Variants in ZNF385D observed in about 807,000 individuals in gnomAD.
The protein encoded by ZNF385D is zinc finger protein 659.
Under a neutral mutation model 35.8 loss-of-function variants are expected in ZNF385D, and 15 were observed. That is an observed-to-expected ratio of 0.42 (90% CI 0.28 to 0.64). ZNF385D has a LOEUF of 0.64. Ranked by LOEUF, ZNF385D falls within the 30% of genes least tolerant of loss-of-function variation. The pLI is 0.23. For synonymous variants in ZNF385D, 212 were observed against 186.8 expected (o/e 1.13, Z -1.10); for missense variants, 474 against 494.6 (o/e 0.96, Z 0.39).
At chr3:22,149,001 C>A (rs540566273) in intron 3 of ZNF385D, among the ~76,000 whole-genome samples, 1 of 152,056 alleles carries the variant, frequency 6.6e-6, no homozygotes, top group Admixed American at 6.6e-5. Context: ...GCTGCAAAAA[C>A]CAGTTAAGTG....
At chr3:21,663,303 C>T (rs1243897183) in intron 2 of ZNF385D, among the ~76,000 whole-genome samples, 1 of 152,172 alleles carries the variant, frequency 6.6e-6, no homozygotes, top group Non-Finnish European at 1.5e-5. Flanking sequence ...GTCAAGTTAA[C>T]CACTTTGTTA....
Position 21,971,146 on chromosome 3 carries a change from G to T in ZNF385D, c.325+197671C>A, listed in dbSNP as rs759386247. 5.9e-5 allele frequency among the ~76,000 whole-genome samples: 9 copies of T among 151,942 alleles called. No homozygotes were observed. In the South Asian group the frequency reaches 1.5e-3, roughly 25 times the overall value. On this transcript the variant is annotated intron_variant, in intron 3 of 5. Transcript: ENST00000494108. Reference sequence around the variant, plus strand: ...GAAGGTACAAAACTCACTGGTAATGGTAAGTACATAGAAAAAACACAATAT... The same window carrying T: ...GAAGGTACAAAACTCACTGGTAATGTTAAGTACATAGAAAAAACACAATAT...
At chr3:21,504,179 T>G (rs1706602290) in intron 4 of ZNF385D, among the ~76,000 whole-genome samples, 1 of 152,166 alleles carries the variant, frequency 6.6e-6, no homozygotes, top group African/African-American at 2.4e-5. Context: ...ATAGGCTAAT[T>G]AACTCCTGAT....
chr3:22,354,926 T>C (rs955669438), intron 2 of ZNF385D, among the ~76,000 whole-genome samples: 4 of 151,994 alleles, frequency 2.6e-5, no homozygotes, highest in Admixed American at 6.6e-5. Flanking sequence ...ATGGCTACCA[T>C]ACAGGAAAAC....
At chr3:21,617,409 T>C (rs1323950471) in intron 2 of ZNF385D, among the ~76,000 whole-genome samples, 1 of 152,192 alleles carries the variant, frequency 6.6e-6, no homozygotes, top group Non-Finnish European at 1.5e-5. Flanking sequence ...TCTTAGGACC[T>C]CCTGCGTTTA....
At chr3:22,049,771 C>A (rs141098151) in intron 3 of ZNF385D, among the ~76,000 whole-genome samples, 1 of 151,932 alleles carries the variant, frequency 6.6e-6, no homozygotes. Context: ...ATTTTTTGTT[C>A]CTCATTCTGT....
intron 2 of ZNF385D, among the ~76,000 whole-genome samples, chr3:22,252,441 G>T (rs1007011017): frequency 6.6e-6 from 1 of 152,072 alleles, no homozygotes; most frequent in African/African-American, 2.4e-5. Flanking sequence ...TTAAGATGAG[G>T]TGAGTATGTT....
intron 3 of ZNF385D, among the ~76,000 whole-genome samples, chr3:22,130,101 A>G (rs534086151): frequency 4.6e-5 from 7 of 152,142 alleles, no homozygotes; most frequent in Non-Finnish European, 1.0e-4. Flanking sequence ...GGGTGGGTCT[A>G]AAAACATCAT....
At chr3:21,886,590 T>C (rs756473469) in intron 3 of ZNF385D, among the ~76,000 whole-genome samples, 1 of 152,096 alleles carries the variant, frequency 6.6e-6, no homozygotes, top group Non-Finnish European at 1.5e-5. Flanking sequence ...TTATGAGTCT[T>C]GTTCAGGCCT....
chr3:22,280,380 T>TA (rs942083764), intron 2 of ZNF385D, among the ~76,000 whole-genome samples: 2 of 151,688 alleles, frequency 1.3e-5, no homozygotes, highest in South Asian at 2.1e-4. Flanking sequence ...TTTTTTTTTT[T>TA]ACTGTTATCT....
chr3:21,733,777 T>C (rs1324041745), intron 1 of ZNF385D, among the ~76,000 whole-genome samples: 6 of 152,178 alleles, frequency 3.9e-5, no homozygotes, highest in South Asian at 4.1e-4. Context: ...AGAAGTGAAA[T>C]AGGAATCCAC....
chr3:21,978,766 G>T (rs116474876), intron 3 of ZNF385D, among the ~76,000 whole-genome samples: 3 of 151,902 alleles, frequency 2.0e-5, no homozygotes, highest in African/African-American at 7.3e-5. Flanking sequence ...AGTCTTCTCG[G>T]GGAGCAAGGC....
At chr3:21,680,378 A>C (rs965079069) in intron 1 of ZNF385D, among the ~76,000 whole-genome samples, 3 of 152,126 alleles carry the variant, frequency 2.0e-5, no homozygotes, top group African/African-American at 7.2e-5. Context: ...CTCCTTTGGA[A>C]TCATCATTTT....
chr3:22,126,217 C>A (rs535175266), intron 3 of ZNF385D, among the ~76,000 whole-genome samples: 171 of 150,710 alleles, frequency 1.1e-3, no homozygotes, highest in Admixed American at 4.9e-3. Flanking sequence ...ATCATATTGA[C>A]TGATTTGCAT....
At chr3:21,970,294 G>T (rs968473763) in intron 3 of ZNF385D, among the ~76,000 whole-genome samples, 1 of 152,058 alleles carries the variant, frequency 6.6e-6, no homozygotes, top group Non-Finnish European at 1.5e-5. Flanking sequence ...CTGTTTTGAG[G>T]AAACTCAAAG....
At chr3:22,314,481 C>CAT (rs1482689606) in intron 2 of ZNF385D, among the ~76,000 whole-genome samples, 1 of 152,086 alleles carries the variant, frequency 6.6e-6, no homozygotes, top group Non-Finnish European at 1.5e-5. Context: ...AGTATTCCAT[C>CAT]ATATATATAT....
At chr3:21,709,349 G>C (rs1315921946) in intron 1 of ZNF385D, among the ~76,000 whole-genome samples, 1 of 152,088 alleles carries the variant, frequency 6.6e-6, no homozygotes, top group East Asian at 1.9e-4. Context: ...AGCCAGAGTT[G>C]TCTGTACCTG....
chr3:21,535,140 T>C (rs896586274), intron 3 of ZNF385D, among the ~76,000 whole-genome samples: 19 of 152,278 alleles, frequency 1.2e-4, no homozygotes, highest in African/African-American at 4.3e-4. Context: ...TTACCTAGAA[T>C]TCTTTGTGAT....
At chr3:21,901,896 C>A (rs1201108099) in intron 3 of ZNF385D, among the ~76,000 whole-genome samples, 1 of 152,144 alleles carries the variant, frequency 6.6e-6, no homozygotes, top group Non-Finnish European at 1.5e-5. Flanking sequence ...CACAGAAGAG[C>A]GTTCAGTCTA....
Sources: gnomAD v4.1 joint callset for allele counts (sites outside exome capture counted in the v4.1 genomes callset) on GRCh38, gnomAD v4.1.1 for gene constraint, MANE v1.5 for transcripts, NCBI Gene and HGNC (gene_info 2026-07-23, HGNC 2026-07-21) for gene names.